Variants in HECW2 observed in about 807,000 individuals in gnomAD.
The protein encoded by HECW2 is E3 ubiquitin-protein ligase HECW2.
A neutral mutation model predicts 175.2 loss-of-function variants in HECW2; 61 were observed. The observed-to-expected ratio is 0.35, with a 90% CI of 0.28 to 0.43. The LOEUF is 0.43. Among genes scored for constraint, HECW2 ranks in the 20% least tolerant of loss-of-function variants. HECW2 has a pLI of 1.00. For missense variants in HECW2, 1,524 were observed against 2,000.5 expected (o/e 0.76, Z 4.54); for synonymous variants, 671 against 731.0 (o/e 0.92, Z 1.32).
chr2:196,242,464 T>C, intron 19 of HECW2: 1 of 451,506 alleles, frequency 2.2e-6, no homozygotes, highest in South Asian at 2.7e-5. Flanking sequence ...TTCTCAAGTA[T>C]GTTCCCCTTT....
At chr2:196,548,387 T>C (rs973650984) in intron 1 of HECW2, among the ~76,000 whole-genome samples, 8 of 147,676 alleles carry the variant, frequency 5.4e-5, no homozygotes, top group African/African-American at 2.0e-4. Context: ...TCTTACATAA[T>C]ACAGATGCTT....
At chr2:196,395,980 G>A (rs1694650790) in intron 2 of HECW2, among the ~76,000 whole-genome samples, 1 of 152,192 alleles carries the variant, frequency 6.6e-6, no homozygotes, top group Admixed American at 6.5e-5. Flanking sequence ...AGCAAACTGA[G>A]TGTCCATTGA....
At chr2:196,498,668 A>T (rs1687475658) in intron 1 of HECW2, among the ~76,000 whole-genome samples, 1 of 152,214 alleles carries the variant, frequency 6.6e-6, no homozygotes, top group African/African-American at 2.4e-5. Flanking sequence ...AAAACTAATG[A>T]AAGGCCACAG....
intron 1 of HECW2, among the ~76,000 whole-genome samples, chr2:196,558,502 C>T (rs1283600762): frequency 1.3e-5 from 2 of 152,226 alleles, no homozygotes; most frequent in African/African-American, 4.8e-5. Flanking sequence ...TGTTGCATTT[C>T]ATAGCCTTCT....
chr2:196,572,629 GC>G, intron 1 of HECW2, among the ~76,000 whole-genome samples: 1 of 152,196 alleles, frequency 6.6e-6, no homozygotes, highest in Admixed American at 6.5e-5. Context: ...GTTTGTGCTT[GC>G]CCCCTCCAAA....
chr2:196,522,167 T>C (rs1018756725), intron 1 of HECW2, among the ~76,000 whole-genome samples: 26 of 152,070 alleles, frequency 1.7e-4, no homozygotes, highest in Admixed American at 1.4e-3. Flanking sequence ...TTTTTAATGA[T>C]TGCCATTCTA....
intron 27 of HECW2, 137 bp from the exon 28 acceptor site, chr2:196,216,114 A>G: frequency 1.6e-6 from 1 of 620,934 alleles, no homozygotes; most frequent in Non-Finnish European, 2.9e-6. Context: ...ACAGGTGTGG[A>G]ATAATCACAA....
rs150603659 is a variant in HECW2 at position 196,574,973 on chromosome 2, C to T, written c.-36+18535G>A. Among the ~76,000 whole-genome samples, 90 of 149,610 alleles carry T rather than the reference C, an allele frequency of 6.0e-4. No homozygotes were observed. In the East Asian group the frequency reaches 9.5e-3, roughly 16 times the overall value. On this transcript the variant is annotated intron_variant, in intron 1 of 28. Coordinates refer to ENST00000644978, the MANE Select transcript of HECW2 (RefSeq NM_001348768.2). ...TGGTGTTGGGAAAACTAAATATCCA[C>T]ATGCTGAGGTGAAAGGATTGCTGCT...
chr2:196,347,295 C>T (rs1054333672), intron 2 of HECW2, among the ~76,000 whole-genome samples: 2 of 151,760 alleles, frequency 1.3e-5, no homozygotes, highest in African/African-American at 2.4e-5. Flanking sequence ...TTCCTGACCT[C>T]GTGATCCACC....
At chr2:196,357,066 C>T (rs1377078072) in intron 2 of HECW2, among the ~76,000 whole-genome samples, 1 of 152,184 alleles carries the variant, frequency 6.6e-6, no homozygotes, top group Non-Finnish European at 1.5e-5. Flanking sequence ...AGGGAAGTGA[C>T]ATGATCTGCA....
At chr2:196,555,834 CA>C (rs1294444123) in intron 1 of HECW2, among the ~76,000 whole-genome samples, 3 of 152,242 alleles carry the variant, frequency 2.0e-5, no homozygotes, top group Non-Finnish European at 4.4e-5. Flanking sequence ...CAAGTCCCCA[CA>C]AGGTCTAGCT....
At chr2:196,371,157 AT>A (rs1693898563) in intron 2 of HECW2, among the ~76,000 whole-genome samples, 1 of 152,172 alleles carries the variant, frequency 6.6e-6, no homozygotes, top group South Asian at 2.1e-4. Context: ...GCTAATTCTG[AT>A]ACAGGTACTC....
At chr2:196,345,302 C>T (rs1692912744) in intron 2 of HECW2, among the ~76,000 whole-genome samples, 1 of 152,186 alleles carries the variant, frequency 6.6e-6, no homozygotes, top group Non-Finnish European at 1.5e-5. Context: ...GCTGCATAAC[C>T]ACTGAGCTTC....
intron 1 of HECW2, among the ~76,000 whole-genome samples, chr2:196,469,159 G>A (rs1457332528): frequency 6.7e-6 from 1 of 150,010 alleles, no homozygotes; most frequent in African/African-American, 2.5e-5. Flanking sequence ...GTAAATAAGT[G>A]AAACTAGCCA....
At chr2:196,423,182 C>T (rs148235550) in intron 2 of HECW2, among the ~76,000 whole-genome samples, 13 of 152,096 alleles carry the variant, frequency 8.5e-5, no homozygotes, top group Admixed American at 2.6e-4. Context: ...TTAATAATTA[C>T]CAAAATATTA....
chr2:196,278,133 A>ATATATATATATATATATATATATCTATAT (rs1553489735), intron 15 of HECW2, among the ~76,000 whole-genome samples: 1 of 66,552 alleles, frequency 1.5e-5, no homozygotes, highest in African/African-American at 4.1e-5. Flanking sequence ...ATAATTAAAA[A>ATATATATATATATATATATATATCTATAT]ATATATATAT....
intron 2 of HECW2, among the ~76,000 whole-genome samples, chr2:196,345,406 T>C (rs1692918848): frequency 6.6e-6 from 1 of 152,214 alleles, no homozygotes; most frequent in Non-Finnish European, 1.5e-5. Context: ...TGGTGACATG[T>C]GGCCTGGTTC....
chr2:196,297,970 C>T (rs762062789), intron 13 of HECW2, among the ~76,000 whole-genome samples: 4 of 152,152 alleles, frequency 2.6e-5, no homozygotes, highest in Non-Finnish European at 5.9e-5. Flanking sequence ...AAACTATCTA[C>T]AAATGATCAA....
At chr2:196,374,776 A>G (rs1224454897) in intron 2 of HECW2, among the ~76,000 whole-genome samples, 1 of 151,992 alleles carries the variant, frequency 6.6e-6, no homozygotes, top group African/African-American at 2.4e-5. Flanking sequence ...ATCATCCACC[A>G]TAAGGTCACC....
Sources: allele counts gnomAD v4.1 joint callset (sites outside exome capture counted in the v4.1 genomes callset), GRCh38; gene constraint gnomAD v4.1.1; transcripts MANE v1.5; gene names NCBI Gene and HGNC (gene_info 2026-07-23, HGNC 2026-07-21).